The following SNTG1 variants were observed in gnomAD, a reference collection of about 807,000 sequenced individuals.
The protein encoded by SNTG1 is syntrophin gamma 1, also known as gamma-1-syntrophin.
Under a neutral mutation model 74.7 loss-of-function variants are expected in SNTG1, and 39 were observed. The ratio of observed to expected loss-of-function variants is 0.52; its 90% CI spans 0.40 to 0.68. The LOEUF (loss-of-function observed/expected upper bound fraction) is 0.68. Ranked by LOEUF, SNTG1 falls within the 30% of genes least tolerant of loss-of-function variation. SNTG1 has a pLI of 0.00. For missense variants in SNTG1, 685 were observed against 609.5 expected (o/e 1.12, Z -1.30); for synonymous variants, 254 against 217.1 (o/e 1.17, Z -1.49).
chr8:50,057,084 A>C (rs1316274001), intron 1 of SNTG1, among the ~76,000 whole-genome samples: 1 of 152,274 alleles, frequency 6.6e-6, no homozygotes, highest in African/African-American at 2.4e-5. Context: ...AATTTCGAGG[A>C]AATATTTAAA....
intron 1 of SNTG1, among the ~76,000 whole-genome samples, chr8:50,118,308 T>TA (rs111802732): frequency 1.3e-5 from 2 of 151,652 alleles, no homozygotes; most frequent in African/African-American, 2.4e-5. Flanking sequence ...CTTCAGGTTT[T>TA]AAAAAAAAAT....
At chr8:50,413,815 A>G (rs556387363) in intron 4 of SNTG1, among the ~76,000 whole-genome samples, 1 of 152,148 alleles carries the variant, frequency 6.6e-6, no homozygotes, top group South Asian at 2.1e-4. Flanking sequence ...CTTTCAGTTC[A>G]CTATCTCTCT....
At chr8:50,481,190 G>A (rs1174847699) in intron 8 of SNTG1, among the ~76,000 whole-genome samples, 1 of 152,148 alleles carries the variant, frequency 6.6e-6, no homozygotes, top group Non-Finnish European at 1.5e-5. Context: ...AGACCATCCT[G>A]GCCAACATGG....
At chr8:50,309,472 G>A (rs2090026224) in intron 2 of SNTG1, among the ~76,000 whole-genome samples, 1 of 152,256 alleles carries the variant, frequency 6.6e-6, no homozygotes, top group Middle Eastern at 3.4e-3. Flanking sequence ...CTAATGCTGG[G>A]AAAACAAATG....
intron 8 of SNTG1, among the ~76,000 whole-genome samples, chr8:50,478,943 A>G (rs1182873213): frequency 6.6e-6 from 1 of 152,176 alleles, no homozygotes; most frequent in Non-Finnish European, 1.5e-5. Context: ...TCCTGTAACA[A>G]AAGGTAATAT....
intron 1 of SNTG1, among the ~76,000 whole-genome samples, chr8:50,113,085 C>T (rs1471229398): frequency 6.6e-6 from 1 of 152,038 alleles, no homozygotes; most frequent in Non-Finnish European, 1.5e-5. Flanking sequence ...AATGTGGGCT[C>T]TTTTTTGGTT....
chr8:50,109,071 C>T (rs910806972), intron 1 of SNTG1, among the ~76,000 whole-genome samples: 1 of 152,126 alleles, frequency 6.6e-6, no homozygotes, highest in Non-Finnish European at 1.5e-5. Context: ...CTGTGGGGCA[C>T]CACCATTTCC....
At chr8:50,331,129 A>G (rs2090949296) in intron 2 of SNTG1, among the ~76,000 whole-genome samples, 1 of 152,166 alleles carries the variant, frequency 6.6e-6, no homozygotes, top group South Asian at 2.1e-4. Flanking sequence ...GTATGTGCAC[A>G]TTTGTACGTA....
chr8:50,406,586 T>TA (rs1396519242), intron 4 of SNTG1, among the ~76,000 whole-genome samples: 2 of 152,168 alleles, frequency 1.3e-5, no homozygotes, highest in Non-Finnish European at 2.9e-5. Context: ...ATAAAAGTGG[T>TA]AAAAGCAGGC....
intron 17 of SNTG1, among the ~76,000 whole-genome samples, chr8:50,734,370 A>G (rs2095520229): frequency 1.3e-5 from 2 of 151,726 alleles, no homozygotes; most frequent in Admixed American, 6.6e-5. Flanking sequence ...AATACTCAGT[A>G]TATACTAGCC....
intron 2 of SNTG1, among the ~76,000 whole-genome samples, chr8:50,383,841 C>T (rs1325973235): frequency 4.6e-5 from 7 of 152,300 alleles, no homozygotes; most frequent in Middle Eastern, 3.4e-3. Flanking sequence ...CAGTATCAAT[C>T]ACCCCAGTCA....
chr8:50,228,290 A>C (rs895082940), intron 2 of SNTG1, among the ~76,000 whole-genome samples: 1 of 152,000 alleles, frequency 6.6e-6, no homozygotes, highest in Non-Finnish European at 1.5e-5. Flanking sequence ...AAGAAATGTG[A>C]GACCATTTCA....
chr8:50,606,211 G>A (rs2094811283), intron 13 of SNTG1, among the ~76,000 whole-genome samples: 1 of 152,008 alleles, frequency 6.6e-6, no homozygotes, highest in African/African-American at 2.4e-5. Context: ...AGAGTAGTTG[G>A]GTATTTTTGA....
chr8:50,433,423 G>T (rs1439547654), intron 4 of SNTG1, among the ~76,000 whole-genome samples: 2 of 151,284 alleles, frequency 1.3e-5, no homozygotes, highest in Admixed American at 6.6e-5. Context: ...TCCCAATCTT[G>T]CAGGGAAAAT....
intron 1 of SNTG1, among the ~76,000 whole-genome samples, chr8:50,028,736 A>T (rs1242504828): frequency 4.0e-5 from 6 of 151,890 alleles, no homozygotes; most frequent in Middle Eastern, 3.2e-3. Context: ...AACTTAAAGT[A>T]TAAAAAAAAA....
intron 2 of SNTG1, among the ~76,000 whole-genome samples, chr8:50,181,190 G>A (rs1192303452): frequency 2.6e-5 from 4 of 152,206 alleles, no homozygotes; most frequent in Admixed American, 2.0e-4. Flanking sequence ...GATTGCTCTG[G>A]ACCTCACTTT....
chr8:50,569,751 C>T (rs1012224564), intron 12 of SNTG1, among the ~76,000 whole-genome samples: 2 of 152,146 alleles, frequency 1.3e-5, no homozygotes, highest in East Asian at 1.9e-4. Flanking sequence ...TTTTTATAGC[C>T]GCTGACATTT....
Position 50,122,868 on chromosome 8 carries a change from G to C in SNTG1, c.-102-49693G>C, listed in dbSNP as rs181097351. 3.5e-5 allele frequency among the ~76,000 whole-genome samples: 5 copies of C among 142,476 alleles called. No homozygotes were observed. The East Asian group carries it at 8.1e-4, about 23-fold the overall frequency. The allele number at this position is 142,476 out of a possible 152,430, so 93.5% of individuals were successfully genotyped here. A position where few individuals can be genotyped will look rare whatever the true frequency, so the allele number is the denominator to read the frequency against. Reference sequence around the variant, plus strand: ...ACAGGAAGAATGCACCAAACCAATAGAGAGAAAAACCTGATTGCTTTGCAT... The same window carrying C: ...ACAGGAAGAATGCACCAAACCAATACAGAGAAAAACCTGATTGCTTTGCAT... On this transcript the variant is annotated intron_variant, in intron 1 of 18. Coordinates refer to ENST00000642720, the MANE Select transcript of SNTG1 (RefSeq NM_018967.5).
rs1311574766 is a variant in SNTG1 at position 50,794,173 on chromosome 8, T to A, written c.*1344T>A. 1 of 151,854 alleles carries A rather than the reference T, an allele frequency of 6.6e-6. No homozygotes were observed. The highest frequency in any genetic ancestry group is 2.4e-5 in the African/African-American group (1 of 41,410). 9.4% of individuals were successfully genotyped at this position (151,854 alleles called of 1,614,324 possible). A position where few individuals can be genotyped will look rare whatever the true frequency, so the allele number is the denominator to read the frequency against. ...ACATGCTCCCAGGTAAACCAAGTAT[T>A]ATGTGTGTCCTTGTGGAGATAACCA... On this transcript the variant is annotated 3_prime_UTR_variant, in exon 19 of 19. Transcript: ENST00000642720.
Sources: gnomAD v4.1 joint callset for allele counts (sites outside exome capture counted in the v4.1 genomes callset) on GRCh38, gnomAD v4.1.1 for gene constraint, MANE v1.5 for transcripts, NCBI Gene and HGNC (gene_info 2026-07-23, HGNC 2026-07-21) for gene names.